Variants in SNX29 observed in about 807,000 individuals in gnomAD.
SNX29 encodes the protein sorting nexin 29.
A neutral mutation model predicts 102.1 loss-of-function variants in SNX29; 78 were observed. The observed-to-expected ratio is 0.76, with a 90% CI of 0.64 to 0.92. The LOEUF (loss-of-function observed/expected upper bound fraction) is 0.92. Among genes scored for constraint, SNX29 ranks in the 40% least tolerant of loss-of-function variants. The probability of loss-of-function intolerance (pLI) is 0.00; values close to 1 mark genes in which losing one functional copy is unlikely to be tolerated. For synonymous variants in SNX29, 580 were observed against 414.5 expected (o/e 1.40, Z -4.85); for missense variants, 1,280 against 1,061.7 (o/e 1.21, Z -2.86).
intron 18 of SNX29, among the ~76,000 whole-genome samples, chr16:12,471,790 A>C (rs1347800659): frequency 6.6e-6 from 1 of 152,242 alleles, no homozygotes; most frequent in African/African-American, 2.4e-5. Context: ...TTCTGTATAG[A>C]CCTTTATAAC....
At chr16:12,537,511 G>C (rs1036304514) in intron 20 of SNX29, among the ~76,000 whole-genome samples, 3 of 152,188 alleles carry the variant, frequency 2.0e-5, no homozygotes, top group Admixed American at 6.5e-5. Context: ...TCACAGGCTT[G>C]TTGGGAGGAT....
intron 19 of SNX29, among the ~76,000 whole-genome samples, chr16:12,513,204 C>G (rs909937999): frequency 4.8e-4 from 73 of 151,590 alleles, no homozygotes; most frequent in Non-Finnish European, 5.9e-5. Context: ...CTCCCTTGCC[C>G]TGCCCTACTG....
rs2052845770 is a variant in SNX29 at position 12,098,084 on chromosome 16, G to C, written c.1402+19169G>C. 6.6e-6 allele frequency among the ~76,000 whole-genome samples: 1 copy of C among 152,214 alleles called. No homozygotes were observed. Among genetic ancestry groups the C allele is most frequent in the Non-Finnish European group, 1.5e-5 (1 of 68,032 alleles). Reference sequence around the variant, plus strand: ...GTGAATAGCACTTGCCATGTGCAGTGCCCGCACACGCTGGGCCCAGAGGAC... The same window carrying C: ...GTGAATAGCACTTGCCATGTGCAGTCCCCGCACACGCTGGGCCCAGAGGAC... On this transcript the variant is annotated intron_variant, in intron 11 of 20. Coordinates refer to ENST00000566228, the MANE Select transcript of SNX29 (RefSeq NM_032167.5). This position sits in a 1 kb window ranked among gnomAD's most constrained non-coding sequence, Gnocchi z 6.0.
chr16:12,431,710 G>C (rs981270285), intron 18 of SNX29, among the ~76,000 whole-genome samples: 4 of 152,170 alleles, frequency 2.6e-5, no homozygotes, highest in African/African-American at 9.7e-5. Flanking sequence ...TTCTGCTTCA[G>C]AGTGTCAAGA....
In SNX29 at chr16:12,382,621, C is replaced by T. The variant is rs566011365; in HGVS notation, c.1900-15825C>T. Among the ~76,000 whole-genome samples the T allele has an allele frequency of 1.8e-4, 28 of 152,330 alleles. No individual in the cohort carries two copies. The East Asian group carries it at 2.3e-3, about 13-fold the overall frequency. ...TCTTAGAGCTGCTGTAACCAATTAC[C>T]ATAAACGTGCTGGCTTAAAACAACA... On this transcript the variant is annotated intron_variant, in intron 16 of 20. Coordinates refer to ENST00000566228, the MANE Select transcript of SNX29 (RefSeq NM_032167.5).
intron 14 of SNX29, among the ~76,000 whole-genome samples, chr16:12,270,540 C>A (rs969791861): frequency 6.6e-6 from 1 of 152,202 alleles, no homozygotes; most frequent in African/African-American, 2.4e-5. Flanking sequence ...CTTGACCCCA[C>A]ATACTCACCT....
intron 14 of SNX29, among the ~76,000 whole-genome samples, chr16:12,261,437 CGT>C (rs2078757758): frequency 9.0e-6 from 1 of 111,162 alleles, no homozygotes. Context: ...GGTCTGTGCA[CGT>C]GTCCCCCGCT....
intron 14 of SNX29, among the ~76,000 whole-genome samples, chr16:12,232,820 TCCTTCAAA>T (rs2077810987): frequency 6.6e-6 from 1 of 152,180 alleles, no homozygotes; most frequent in African/African-American, 2.4e-5. Flanking sequence ...CACACATTGG[TCCTTCAAA>T]GTATCCTATG....
At chr16:12,288,362 A>G (rs2079669928) in intron 15 of SNX29, among the ~76,000 whole-genome samples, 1 of 150,424 alleles carries the variant, frequency 6.6e-6, no homozygotes, top group African/African-American at 2.5e-5. Context: ...AAATTTCTGC[A>G]TAAACGACCC....
intron 3 of SNX29, among the ~76,000 whole-genome samples, chr16:12,007,853 G>A (rs554991177): frequency 2.0e-5 from 3 of 152,292 alleles, no homozygotes; most frequent in South Asian, 2.1e-4. Context: ...AAAGACCCAC[G>A]TCCTTAACAC....
intron 14 of SNX29, among the ~76,000 whole-genome samples, chr16:12,217,055 G>A (rs1413263043): frequency 1.3e-5 from 2 of 152,178 alleles, no homozygotes; most frequent in Admixed American, 1.3e-4. Context: ...TTGAGACAGG[G>A]TGTCCCTTCA....
intron 15 of SNX29, among the ~76,000 whole-genome samples, chr16:12,306,256 C>A (rs1003862948): frequency 1.3e-5 from 2 of 152,134 alleles, no homozygotes; most frequent in African/African-American, 4.8e-5. Context: ...GTACTCTTAA[C>A]CACTGTGGGT....
At chr16:12,438,537 G>C (rs2085645220) in intron 18 of SNX29, among the ~76,000 whole-genome samples, 1 of 152,150 alleles carries the variant, frequency 6.6e-6, no homozygotes, top group Non-Finnish European at 1.5e-5. Context: ...CCTAGATTTG[G>C]ACATTCTTTT....
At chr16:12,311,019 C>T (rs1210391916) in intron 15 of SNX29, among the ~76,000 whole-genome samples, 2 of 152,016 alleles carry the variant, frequency 1.3e-5, no homozygotes, top group East Asian at 3.8e-4. Flanking sequence ...CCTGGGAGGA[C>T]CATAACTTAG....
chr16:12,535,496 A>T (rs937322653), intron 20 of SNX29, among the ~76,000 whole-genome samples: 1 of 151,976 alleles, frequency 6.6e-6, no homozygotes, highest in Non-Finnish European at 1.5e-5. Context: ...TTTCCAGATG[A>T]GGAAACTGAG....
At position 12,570,757 on chromosome 16, in the gene SNX29, A is replaced by G. The variant is rs2079170445; in HGVS notation, c.*2128A>G. 4.6e-6 allele frequency: 1 copy of G among 218,000 alleles called. No individual in the cohort carries two copies. Among genetic ancestry groups the G allele is most frequent in the African/African-American group, 2.6e-5 (1 of 39,064 alleles). 13.5% of individuals were successfully genotyped at this position (218,000 alleles called of 1,614,324 possible). ...GATACCCCACGAGGAAGCACCTTGGACATTCTGCACATGATAATAATGCAA... is the reference window on the plus strand; with the variant it reads ...GATACCCCACGAGGAAGCACCTTGGGCATTCTGCACATGATAATAATGCAA... On this transcript the variant is annotated 3_prime_UTR_variant, in exon 21 of 21. Transcript: ENST00000566228.
chr16:12,279,980 T>A (rs1055839597), intron 15 of SNX29, among the ~76,000 whole-genome samples: 6 of 152,148 alleles, frequency 3.9e-5, no homozygotes, highest in African/African-American at 1.4e-4. Flanking sequence ...GAGTGCTGGG[T>A]CCAGGCAGCG....
intron 20 of SNX29, among the ~76,000 whole-genome samples, chr16:12,563,342 A>G (rs1011433486): frequency 5.9e-5 from 9 of 152,204 alleles, no homozygotes; most frequent in Admixed American, 2.0e-4. Flanking sequence ...AGGAGTGGCC[A>G]TTATCCTGAG....
At chr16:12,359,385 A>G (rs1022468323) in intron 16 of SNX29, among the ~76,000 whole-genome samples, 30 of 152,216 alleles carry the variant, frequency 2.0e-4, no homozygotes, top group Admixed American at 1.9e-3. Flanking sequence ...TTCCCTGACC[A>G]CAGATGAGGT....
Sources: allele counts gnomAD v4.1 joint callset (sites outside exome capture counted in the v4.1 genomes callset), GRCh38; gene constraint gnomAD v4.1.1; non-coding constraint Gnocchi (gnomAD v3.1); transcripts MANE v1.5; gene names NCBI Gene and HGNC (gene_info 2026-07-23, HGNC 2026-07-21).